Variants in GRIP1 observed in about 807,000 individuals in gnomAD.
The protein encoded by GRIP1 is glutamate receptor interacting protein 1, also known as glutamate receptor-interacting protein 1.
GRIP1 carries 45 observed loss-of-function variants against 129.9 expected under a neutral mutation model. The ratio of observed to expected loss-of-function variants is 0.35; its 90% CI spans 0.27 to 0.44. The LOEUF (loss-of-function observed/expected upper bound fraction) is 0.44. Ranked by LOEUF, GRIP1 falls within the 20% of genes least tolerant of loss-of-function variation. GRIP1 has a pLI of 1.00. For synonymous variants in GRIP1, 530 were observed against 520.8 expected (o/e 1.02, Z -0.24); for missense variants, 1,196 against 1,396.8 (o/e 0.86, Z 2.29).
At chr12:66,759,401 T>C (rs1182770833) in intron 1 of GRIP1, among the ~76,000 whole-genome samples, 7 of 152,182 alleles carry the variant, frequency 4.6e-5, no homozygotes, top group South Asian at 2.1e-4. Context: ...CCTCTGGGCC[T>C]GTGATGGGAG....
chr12:67,030,507 T>C (rs2043007075), intron 1 of GRIP1, among the ~76,000 whole-genome samples: 1 of 152,060 alleles, frequency 6.6e-6, no homozygotes, highest in Admixed American at 6.6e-5. Context: ...TAGAAAAAAG[T>C]TTCCAATCTG....
intron 1 of GRIP1, among the ~76,000 whole-genome samples, chr12:66,874,417 A>G (rs1015835243): frequency 2.6e-5 from 4 of 151,838 alleles, no homozygotes; most frequent in South Asian, 2.1e-4. Flanking sequence ...TTAACTTCTG[A>G]AGACTTATGT....
chr12:66,674,995 T>C (rs1412138740), intron 1 of GRIP1, among the ~76,000 whole-genome samples: 1 of 152,120 alleles, frequency 6.6e-6, no homozygotes, highest in South Asian at 2.1e-4. Context: ...GGGCTGCTTA[T>C]AGTTTGTTAG....
chr12:66,367,062 G>T (rs2055194079), intron 23 of GRIP1, among the ~76,000 whole-genome samples: 1 of 152,146 alleles, frequency 6.6e-6, no homozygotes, highest in African/African-American at 2.4e-5. Context: ...CTGCCTTAAG[G>T]TGTGCAAAGA....
At chr12:66,594,067 C>CAA (rs10661389) in intron 2 of GRIP1, among the ~76,000 whole-genome samples, 8,858 of 52,580 alleles carry the variant, frequency 0.17, 1,438 homozygotes, top group Middle Eastern at 0.22. Context: ...GACTCCGTCT[C>CAA]AAAAAAAAAA....
intron 1 of GRIP1, among the ~76,000 whole-genome samples, chr12:66,635,493 T>C (rs569351602): frequency 1.1e-3 from 167 of 152,186 alleles, no homozygotes; most frequent in Middle Eastern, 3.4e-3. Context: ...AAAATATCCA[T>C]GTTTGCTTTG....
In GRIP1 at chr12:66,780,768, T is replaced by C. The variant is rs187821893; in HGVS notation, c.-420+23285A>G. On this transcript the variant is annotated intron_variant, in intron 1 of 4. Coordinates refer to the GRIP1 transcript ENST00000538373. ...GACTTTTAAGGCCAGATCATAAAAA[T>C]GCCATGCACTGCCGCTTTGCCCTCT... is the stretch of plus-strand genomic sequence containing the variant. 7.8e-4 allele frequency among the ~76,000 whole-genome samples: 118 copies of C among 152,234 alleles called. 2 individuals carry two copies. The highest frequency in any genetic ancestry group is 1.5e-3 in the Non-Finnish European group (100 of 68,016).
intron 1 of GRIP1, among the ~76,000 whole-genome samples, chr12:66,990,516 G>A (rs950426519): frequency 6.6e-6 from 1 of 152,212 alleles, no homozygotes; most frequent in African/African-American, 2.4e-5. Context: ...AACAAGTGTT[G>A]AGTATTCTGT....
intron 20 of GRIP1, among the ~76,000 whole-genome samples, chr12:66,378,109 A>G (rs1025459723): frequency 2.0e-5 from 3 of 152,124 alleles, no homozygotes; most frequent in Admixed American, 6.6e-5. Context: ...ATCTTTTAAA[A>G]AAAAAAAAAA....
chr12:66,802,780 TA>T (rs1462693270), intron 1 of GRIP1, among the ~76,000 whole-genome samples: 1 of 152,192 alleles, frequency 6.6e-6, no homozygotes, highest in Non-Finnish European at 1.5e-5. Flanking sequence ...AATCTGACAA[TA>T]TTTTTTGATG....
At chr12:66,955,993 G>C (rs975685174) in intron 1 of GRIP1, among the ~76,000 whole-genome samples, 1 of 152,178 alleles carries the variant, frequency 6.6e-6, no homozygotes, top group Non-Finnish European at 1.5e-5. Flanking sequence ...GGATTTACAA[G>C]AGTTAGTTGT....
chr12:66,476,140 G>C (rs2059602439), intron 7 of GRIP1, among the ~76,000 whole-genome samples: 1 of 152,026 alleles, frequency 6.6e-6, no homozygotes, highest in Non-Finnish European at 1.5e-5. Context: ...ATAAAGAAAA[G>C]AGGGAAGAAT....
chr12:66,809,949 C>G (rs2039071746), intron 1 of GRIP1, among the ~76,000 whole-genome samples: 1 of 152,116 alleles, frequency 6.6e-6, no homozygotes, highest in South Asian at 2.1e-4. Context: ...AGCCACCACA[C>G]CTGGCTTAAA....
At chr12:66,747,018 T>G (rs925572872) in intron 1 of GRIP1, among the ~76,000 whole-genome samples, 5 of 152,184 alleles carry the variant, frequency 3.3e-5, no homozygotes, top group African/African-American at 1.2e-4. Flanking sequence ...GATGAGAGGT[T>G]GAGCTGATTA....
intron 4 of GRIP1, among the ~76,000 whole-genome samples, chr12:66,537,294 T>C (rs1319581200): frequency 1.3e-5 from 2 of 152,106 alleles, no homozygotes; most frequent in African/African-American, 4.8e-5. Flanking sequence ...GCTAGTAAAA[T>C]GTGGAGCTGG....
intron 1 of GRIP1, among the ~76,000 whole-genome samples, chr12:66,772,450 T>C (rs1164831028): frequency 1.1e-4 from 16 of 152,234 alleles, no homozygotes. Flanking sequence ...ATTTTATTGG[T>C]GGAGTCCCTG....
intron 5 of GRIP1, among the ~76,000 whole-genome samples, chr12:66,529,102 T>G (rs764879620): frequency 6.6e-6 from 1 of 152,062 alleles, no homozygotes; most frequent in Non-Finnish European, 1.5e-5. Context: ...GGTACCACCT[T>G]ATTCCTGCAA....
chr12:67,011,715 G>A (rs2042710836), intron 1 of GRIP1, among the ~76,000 whole-genome samples: 1 of 151,552 alleles, frequency 6.6e-6, no homozygotes, highest in Non-Finnish European at 1.5e-5. Context: ...TTCTTTCACA[G>A]CATCTTGCAC....
chr12:66,687,405 G>T (rs999105812), intron 1 of GRIP1, among the ~76,000 whole-genome samples: 1 of 152,076 alleles, frequency 6.6e-6, no homozygotes, highest in East Asian at 1.9e-4. Flanking sequence ...AGAGTTGAAA[G>T]ATGTCTAAGG....
Sources: allele counts gnomAD v4.1 joint callset (sites outside exome capture counted in the v4.1 genomes callset), GRCh38; gene constraint gnomAD v4.1.1; transcripts MANE v1.5; gene names NCBI Gene and HGNC (gene_info 2026-07-23, HGNC 2026-07-21).